Variants in SLC44A5 observed in about 807,000 individuals in gnomAD.
SLC44A5 encodes solute carrier family 44 member 5, also known as choline transporter-like protein 5.
In SLC44A5, 57 loss-of-function variants were observed where a neutral mutation model predicts 101.8. That is an observed-to-expected ratio of 0.56 (90% CI 0.45 to 0.70). The LOEUF (loss-of-function observed/expected upper bound fraction) is 0.70, where lower values mean the gene tolerates loss of function less well. Ranked by LOEUF, SLC44A5 falls within the 30% of genes least tolerant of loss-of-function variation. SLC44A5 has a pLI of 0.00. For missense variants in SLC44A5, 737 were observed against 853.1 expected, an observed-to-expected ratio of 0.86 and a Z score of 1.70; for synonymous variants, 281 against 290.9, an observed-to-expected ratio of 0.97 and a Z score of 0.35.
chr1:75,622,690 A>T, the SLC44A5 span, among the ~76,000 whole-genome samples: 3 of 151,894 alleles, frequency 2.0e-5, no homozygotes, highest in Non-Finnish European at 4.4e-5. Context: ...CCACCGTTAA[A>T]CTCTCAAGGT....
At chr1:75,220,049 C>T (rs759891416) in intron 14 of SLC44A5, among the ~76,000 whole-genome samples, 157 bp from the exon 15 acceptor site, 4 of 152,050 alleles carry the variant, frequency 2.6e-5, no homozygotes, top group Non-Finnish European at 5.9e-5. Context: ...TATTTATTTA[C>T]TTTTTTTAAA....
At chr1:75,274,697 A>G (rs1557605937) in intron 6 of SLC44A5, among the ~76,000 whole-genome samples, 1 of 152,180 alleles carries the variant, frequency 6.6e-6, no homozygotes, top group Non-Finnish European at 1.5e-5. Flanking sequence ...CATTGGTCCA[A>G]TCTATTCATT....
At chr1:75,420,156 C>A (rs1663912755) in intron 2 of SLC44A5, among the ~76,000 whole-genome samples, 1 of 151,994 alleles carries the variant, frequency 6.6e-6, no homozygotes, top group East Asian at 1.9e-4. Flanking sequence ...AGGAAACAGG[C>A]CCTCACCAGA....
chr1:75,474,799 A>T (rs1451138930), intron 2 of SLC44A5, among the ~76,000 whole-genome samples: 1 of 152,226 alleles, frequency 6.6e-6, no homozygotes. Context: ...ACAATCCAGA[A>T]AATTCTACTT....
At chr1:75,697,186 C>T in the SLC44A5 span, among the ~76,000 whole-genome samples, 1 of 152,154 alleles carries the variant, frequency 6.6e-6, no homozygotes, top group Non-Finnish European at 1.5e-5. Flanking sequence ...AGTAAGAGGA[C>T]TGCTTGAGGT....
chr1:75,682,820 C>A, the SLC44A5 span, among the ~76,000 whole-genome samples: 1 of 152,086 alleles, frequency 6.6e-6, no homozygotes, highest in Non-Finnish European at 1.5e-5. Context: ...GAACAGGCAA[C>A]CTACAAAATG....
At chr1:75,674,310 A>G in the SLC44A5 span, among the ~76,000 whole-genome samples, 38 of 152,208 alleles carry the variant, frequency 2.5e-4, no homozygotes, top group Non-Finnish European at 4.9e-4. Context: ...AGAATTGATC[A>G]AGCAAAAAAA....
chr1:75,249,253 A>T (rs1271037907), intron 7 of SLC44A5, among the ~76,000 whole-genome samples: 1 of 152,132 alleles, frequency 6.6e-6, no homozygotes, highest in East Asian at 1.9e-4. Flanking sequence ...CCTAGGGACT[A>T]GCTTTGGGTA....
intron 2 of SLC44A5, among the ~76,000 whole-genome samples, chr1:75,467,979 G>GA (rs1053437000): frequency 1.3e-5 from 2 of 151,532 alleles, no homozygotes; most frequent in African/African-American, 4.8e-5. Context: ...AACTCTATAG[G>GA]AAAAAAATCT....
At chr1:75,454,714 A>G (rs1666092724) in intron 2 of SLC44A5, among the ~76,000 whole-genome samples, 1 of 152,110 alleles carries the variant, frequency 6.6e-6, no homozygotes, top group Non-Finnish European at 1.5e-5. Context: ...AAATAAATGT[A>G]CAAAAATCAG....
intron 2 of SLC44A5, among the ~76,000 whole-genome samples, chr1:75,441,736 G>A (rs1413397981): frequency 6.6e-6 from 1 of 151,586 alleles, no homozygotes; most frequent in African/African-American, 2.4e-5. Context: ...TTTTTTAAAT[G>A]TTAAAAAATT....
intron 2 of SLC44A5, among the ~76,000 whole-genome samples, chr1:75,397,330 G>A (rs2101405962): frequency 6.6e-6 from 1 of 152,196 alleles, no homozygotes. Context: ...CCATTCTCTG[G>A]TGCTTTATCA....
upstream of SLC44A5, among the ~76,000 whole-genome samples, chr1:75,613,164 C>A (rs1675730082): frequency 6.6e-6 from 1 of 152,224 alleles, no homozygotes; most frequent in South Asian, 2.1e-4. Context: ...TCTCTCCCTG[C>A]ATGCGGTGTA....
At chr1:75,678,625 CA>C in the SLC44A5 span, among the ~76,000 whole-genome samples, 1 of 149,962 alleles carries the variant, frequency 6.7e-6, no homozygotes, top group Admixed American at 6.6e-5. Flanking sequence ...TCACCATCAT[CA>C]AAGACCAAAA....
At chr1:75,551,704 G>T (rs1557899590) in intron 1 of SLC44A5, among the ~76,000 whole-genome samples, 1 of 151,992 alleles carries the variant, frequency 6.6e-6, no homozygotes, top group Non-Finnish European at 1.5e-5. Flanking sequence ...AAGCCAACAA[G>T]AAATGACACA....
chr1:75,659,646 AAAAG>A, the SLC44A5 span, among the ~76,000 whole-genome samples: 4 of 147,696 alleles, frequency 2.7e-5, no homozygotes, highest in African/African-American at 1.0e-4. Flanking sequence ...AAAAAAAAAA[AAAAG>A]TTAACTGAGC....
chr1:75,523,026 C>A (rs1670222253), intron 2 of SLC44A5, among the ~76,000 whole-genome samples: 1 of 152,166 alleles, frequency 6.6e-6, no homozygotes, highest in Non-Finnish European at 1.5e-5. Context: ...ATATTTAGCA[C>A]CTACTATGTG....
At chr1:75,324,688 C>T (rs12562924) in intron 4 of SLC44A5, among the ~76,000 whole-genome samples, 50,294 of 151,992 alleles carry the variant, frequency 0.33, 9,408 homozygotes, top group East Asian at 0.82. Flanking sequence ...TCAGCCCTTC[C>T]TCAGGAATTT....
Position 75,238,741 on chromosome 1 carries a change from G to T in SLC44A5, c.533-105C>A, listed in dbSNP as rs1398085385. The T allele has an allele frequency of 8.3e-6, 6 of 721,906 alleles. No individual in the cohort carries two copies. In the East Asian group the frequency reaches 1.6e-4, roughly 20 times the overall value. 44.7% of individuals were successfully genotyped at this position (721,906 alleles called of 1,614,324 possible). On this transcript the variant is annotated intron_variant, in intron 9 of 23. Coordinates refer to ENST00000370859, the MANE Select transcript of SLC44A5 (RefSeq NM_001130058.2). ...TTATATATAATCAAATTCTTGCTAG[G>T]CATGCAAATTGCTCAATATAGATAG...
Sources: gnomAD v4.1 joint callset for allele counts (sites outside exome capture counted in the v4.1 genomes callset) on GRCh38, gnomAD v4.1.1 for gene constraint, MANE v1.5 for transcripts, NCBI Gene and HGNC (gene_info 2026-07-23, HGNC 2026-07-21) for gene names.